Variants in DRC11 observed in about 807,000 individuals in gnomAD.
The protein encoded by DRC11 is dynein regulatory complex subunit 11, also known as IQ and AAA domain-containing protein 1.
the DRC11 span, among the ~76,000 whole-genome samples, chr2:236,323,097 A>C: frequency 1.3e-5 from 2 of 152,208 alleles, no homozygotes; most frequent in Non-Finnish European, 2.9e-5. The surrounding 1 kb of genome is among the most constrained non-coding windows in gnomAD (Gnocchi z 6.4). Context: ...ATTTTAAAAA[A>C]CGGTTTACTT....
At chr2:236,469,041 C>T in the DRC11 span, among the ~76,000 whole-genome samples, 2 of 152,162 alleles carry the variant, frequency 1.3e-5, no homozygotes, top group African/African-American at 2.4e-5. This position sits in a 1 kb window ranked among gnomAD's most constrained non-coding sequence, Gnocchi z 5.8. Context: ...CAGCCCTATA[C>T]GAAGTGTCCA....
the DRC11 span, among the ~76,000 whole-genome samples, chr2:236,491,244 CAGTATATATATATATATATATATATAT>C: frequency 7.9e-5 from 3 of 37,998 alleles, no homozygotes; most frequent in African/African-American, 2.6e-4. Context: ...TATATATACA[CAGTATATATATATATATATATATATAT>C]ACACACAGTA....
At chr2:236,352,857 T>C in the DRC11 span, among the ~76,000 whole-genome samples, 1 of 152,166 alleles carries the variant, frequency 6.6e-6, no homozygotes, top group South Asian at 2.1e-4. The surrounding 1 kb of genome is among the most constrained non-coding windows in gnomAD (Gnocchi z 7.0). Context: ...AGTACTTATT[T>C]AGGGCACCTG....
the DRC11 span, among the ~76,000 whole-genome samples, chr2:236,459,882 T>C: frequency 2.0e-5 from 3 of 152,100 alleles, no homozygotes; most frequent in South Asian, 2.1e-4. Context: ...AACGTAAGAA[T>C]TGACTTAAAA....
the DRC11 span, among the ~76,000 whole-genome samples, chr2:236,373,599 C>A: frequency 1.3e-5 from 2 of 152,168 alleles, no homozygotes; most frequent in South Asian, 4.1e-4. Context: ...TATAGACCTG[C>A]TTTGTGGAGA....
the DRC11 span, among the ~76,000 whole-genome samples, chr2:236,326,165 T>A: frequency 0.018 from 2,759 of 152,336 alleles, 86 homozygotes; most frequent in African/African-American, 0.063. Context: ...TTTGTTCTGC[T>A]GATTACTAGG....
chr2:236,496,583 C>T, the DRC11 span, among the ~76,000 whole-genome samples: 17 of 151,940 alleles, frequency 1.1e-4, no homozygotes, highest in African/African-American at 2.9e-4. The surrounding 1 kb of genome is among the most constrained non-coding windows in gnomAD (Gnocchi z 6.3). Flanking sequence ...GGTTGCCAGG[C>T]GCCAGCAGCA....
the DRC11 span, among the ~76,000 whole-genome samples, chr2:236,492,353 G>C: frequency 6.6e-6 from 1 of 152,342 alleles, no homozygotes; most frequent in East Asian, 1.9e-4. Context: ...GGAAATGAGA[G>C]ACAGCACTGG....
chr2:236,470,928 G>A, the DRC11 span, among the ~76,000 whole-genome samples: 23 of 152,184 alleles, frequency 1.5e-4, no homozygotes, highest in Admixed American at 1.2e-3. This position sits in a 1 kb window ranked among gnomAD's most constrained non-coding sequence, Gnocchi z 5.1. Context: ...TGGGTTATAA[G>A]AGGTCTAGTT....
the DRC11 span, among the ~76,000 whole-genome samples, chr2:236,451,756 G>A: frequency 1.3e-5 from 2 of 152,156 alleles, no homozygotes; most frequent in African/African-American, 4.8e-5. Flanking sequence ...GAGGCTAGAT[G>A]TATAATGAAA....
chr2:236,422,290 T>C, the DRC11 span, among the ~76,000 whole-genome samples: 2 of 152,170 alleles, frequency 1.3e-5, no homozygotes, highest in Non-Finnish European at 2.9e-5. Flanking sequence ...GATGACATGA[T>C]TGTATATCTA....
At chr2:236,471,772 C>T in the DRC11 span, among the ~76,000 whole-genome samples, 7 of 152,120 alleles carry the variant, frequency 4.6e-5, no homozygotes, top group East Asian at 1.9e-4. The surrounding 1 kb of genome is among the most constrained non-coding windows in gnomAD (Gnocchi z 4.6). Flanking sequence ...AGAAAACAGT[C>T]GGATTGGAAT....
chr2:236,497,089 G>T, the DRC11 span: 1 of 1,130,960 alleles, frequency 8.8e-7, no homozygotes, highest in Non-Finnish European at 1.3e-6. This position sits in a 1 kb window ranked among gnomAD's most constrained non-coding sequence, Gnocchi z 5.1. Context: ...GTAGAGTATC[G>T]TGTACAGATA....
chr2:236,423,801 C>G, the DRC11 span, among the ~76,000 whole-genome samples: 18 of 152,032 alleles, frequency 1.2e-4, no homozygotes. Flanking sequence ...GGAACCAACC[C>G]AAATGTCCAA....
the DRC11 span, among the ~76,000 whole-genome samples, chr2:236,311,713 T>C: frequency 3.3e-5 from 5 of 151,150 alleles, no homozygotes; most frequent in Admixed American, 1.3e-4. This position sits in a 1 kb window ranked among gnomAD's most constrained non-coding sequence, Gnocchi z 6.9. Context: ...TGTGTGTGTG[T>C]GTGTGTGTGT....
At chr2:236,363,953 G>C in the DRC11 span, 3 of 1,613,986 alleles carry the variant, frequency 1.9e-6, no homozygotes, top group South Asian at 3.3e-5. This position sits in a 1 kb window ranked among gnomAD's most constrained non-coding sequence, Gnocchi z 5.6. Flanking sequence ...TTCACCAAAG[G>C]AGCTTTCTCA....
chr2:236,314,147 T>C, the DRC11 span, among the ~76,000 whole-genome samples: 3 of 152,176 alleles, frequency 2.0e-5, no homozygotes, highest in African/African-American at 4.8e-5. This position sits in a 1 kb window ranked among gnomAD's most constrained non-coding sequence, Gnocchi z 4.5. Flanking sequence ...AATGTTACCA[T>C]TGGGGGAGAT....
chr2:236,315,833 CTG>C, the DRC11 span, among the ~76,000 whole-genome samples: 5 of 152,098 alleles, frequency 3.3e-5, no homozygotes, highest in African/African-American at 4.8e-5. The surrounding 1 kb of genome is among the most constrained non-coding windows in gnomAD (Gnocchi z 5.1). Context: ...ACAACACACA[CTG>C]GGGCCTGTCG....
At chr2:236,503,545 T>A in the DRC11 span, 1 of 1,272,552 alleles carries the variant, frequency 7.9e-7, no homozygotes, top group Non-Finnish European at 1.1e-6. This position sits in a 1 kb window ranked among gnomAD's most constrained non-coding sequence, Gnocchi z 4.9. Context: ...GTCTGGGGAA[T>A]CCCTGTCTGG....
Sources: allele counts gnomAD v4.1 joint callset (sites outside exome capture counted in the v4.1 genomes callset), GRCh38; gene constraint gnomAD v4.1.1; non-coding constraint Gnocchi (gnomAD v3.1); transcripts MANE v1.5; gene names NCBI Gene and HGNC (gene_info 2026-07-23, HGNC 2026-07-21).